Variants in PHACTR1 observed in about 807,000 individuals in gnomAD.
PHACTR1 encodes RPEL repeat containing 1.
PHACTR1 carries 16 observed loss-of-function variants against 69.2 expected under a neutral mutation model. The observed-to-expected ratio is 0.23, with a 90% CI of 0.16 to 0.35. The LOEUF (loss-of-function observed/expected upper bound fraction) is 0.35, where lower values mean the gene tolerates loss of function less well. Among genes scored for constraint, PHACTR1 ranks in the 10% least tolerant of loss-of-function variants. The pLI, the probability that PHACTR1 is intolerant of heterozygous loss-of-function variation, is 1.00. For missense variants in PHACTR1, 510 were observed against 734.7 expected (o/e 0.69, Z 3.54); for synonymous variants, 312 against 284.5 (o/e 1.10, Z -0.97).
chr6:13,202,481 C>CTTTTTT (rs1164105884), intron 7 of PHACTR1, among the ~76,000 whole-genome samples: 1 of 129,962 alleles, frequency 7.7e-6, no homozygotes, highest in South Asian at 2.5e-4. Flanking sequence ...TGCACTGAAG[C>CTTTTTT]TTTTTTTTTT....
intron 5 of PHACTR1, among the ~76,000 whole-genome samples, chr6:13,133,240 TCCCTTTCCCTC>T (rs1820803242): frequency 3.7e-5 from 1 of 26,952 alleles, no homozygotes; most frequent in Non-Finnish European, 6.1e-5. Flanking sequence ...CCTCTCCCTC[TCCCTTTCCCTC>T]TCCCTCTCCC....
At chr6:13,225,076 CT>C (rs1162052495) in intron 8 of PHACTR1, among the ~76,000 whole-genome samples, 1 of 152,202 alleles carries the variant, frequency 6.6e-6, no homozygotes, top group Admixed American at 6.5e-5. Context: ...TCCTTTTCAG[CT>C]AACTTCTATA....
intron 5 of PHACTR1, among the ~76,000 whole-genome samples, chr6:13,087,435 A>T (rs758671175): frequency 6.6e-6 from 1 of 151,774 alleles, no homozygotes. Context: ...TACTTGCAAC[A>T]TAGATGAAAT....
At chr6:13,012,485 A>C (rs186240354) in intron 4 of PHACTR1, among the ~76,000 whole-genome samples, 139 of 152,334 alleles carry the variant, frequency 9.1e-4, no homozygotes, top group Non-Finnish European at 7.6e-4. Flanking sequence ...GGAAAAGAGG[A>C]CAAGGGTGTG....
chr6:13,280,869 G>T, intron 12 of PHACTR1: 1 of 984,402 alleles, frequency 1.0e-6, no homozygotes, highest in Non-Finnish European at 1.4e-6. Flanking sequence ...GAAGGCTACA[G>T]CCAGCACCAG....
At chr6:13,043,392 A>C (rs1459488151) in intron 4 of PHACTR1, among the ~76,000 whole-genome samples, 6 of 151,246 alleles carry the variant, frequency 4.0e-5, no homozygotes, top group Non-Finnish European at 7.4e-5. Context: ...GAGCCACTGA[A>C]CTCCAGCCTG....
chr6:12,788,115 G>A (rs2127655983), intron 4 of PHACTR1, among the ~76,000 whole-genome samples: 1 of 151,262 alleles, frequency 6.6e-6, no homozygotes, highest in East Asian at 1.9e-4. Flanking sequence ...CCAAGATCAC[G>A]CCACTGCACT....
At chr6:12,789,882 C>T (rs1435150373) in intron 4 of PHACTR1, among the ~76,000 whole-genome samples, 2 of 151,158 alleles carry the variant, frequency 1.3e-5, no homozygotes, top group Admixed American at 6.6e-5. Flanking sequence ...CCCATCAACT[C>T]GTCATTTAGC....
chr6:13,264,408 A>AT (rs1562089300), intron 10 of PHACTR1, among the ~76,000 whole-genome samples: 2 of 151,934 alleles, frequency 1.3e-5, no homozygotes. Context: ...AACATGCCCC[A>AT]TTTTCATCCA....
chr6:13,008,268 G>T (rs961317017), intron 4 of PHACTR1, among the ~76,000 whole-genome samples: 4 of 152,176 alleles, frequency 2.6e-5, no homozygotes, highest in Admixed American at 1.3e-4. Context: ...GGCAATCAAA[G>T]CTTGTCAATC....
At chr6:12,968,693 G>A (rs1331312145) in intron 4 of PHACTR1, among the ~76,000 whole-genome samples, 4 of 152,136 alleles carry the variant, frequency 2.6e-5, no homozygotes, top group Non-Finnish European at 4.4e-5. Flanking sequence ...TTGTTCAAGG[G>A]ATATTGGATA....
At chr6:12,885,168 A>T (rs1314517639) in intron 4 of PHACTR1, among the ~76,000 whole-genome samples, 1 of 152,200 alleles carries the variant, frequency 6.6e-6, no homozygotes, top group Non-Finnish European at 1.5e-5. Context: ...TGCGGAATGC[A>T]GGGAAGGTCC....
At chr6:12,875,767 G>A (rs1279747939) in intron 4 of PHACTR1, among the ~76,000 whole-genome samples, 2 of 152,164 alleles carry the variant, frequency 1.3e-5, no homozygotes, top group Non-Finnish European at 2.9e-5. Context: ...CCTGGCTTGT[G>A]TTGTCAATAT....
intron 5 of PHACTR1, among the ~76,000 whole-genome samples, chr6:13,151,350 C>T (rs1824275511): frequency 6.6e-6 from 1 of 152,222 alleles, no homozygotes; most frequent in South Asian, 2.1e-4. Context: ...TTTTCTCCAA[C>T]TTCTTCATCT....
At chr6:13,079,139 G>C (rs937225737) in intron 5 of PHACTR1, among the ~76,000 whole-genome samples, 1 of 152,132 alleles carries the variant, frequency 6.6e-6, no homozygotes. Context: ...TGCCCAAGCA[G>C]GATCAGAGAA....
At chr6:13,089,593 G>A (rs1812884984) in intron 5 of PHACTR1, among the ~76,000 whole-genome samples, 2 of 152,150 alleles carry the variant, frequency 1.3e-5, no homozygotes, top group Non-Finnish European at 2.9e-5. Flanking sequence ...TTCATTAAGT[G>A]GGGAAACCAA....
chr6:13,278,962 CAA>C (rs11372974), intron 12 of PHACTR1, among the ~76,000 whole-genome samples: 16 of 134,618 alleles, frequency 1.2e-4, no homozygotes, highest in East Asian at 6.6e-4. Flanking sequence ...GACTCTGTCT[CAA>C]AAAAAAAAAA....
chr6:13,077,509 G>A (rs1289048596), intron 5 of PHACTR1, among the ~76,000 whole-genome samples: 2 of 152,216 alleles, frequency 1.3e-5, no homozygotes, highest in Admixed American at 6.5e-5. Flanking sequence ...GTGTGTTTTG[G>A]AAGTTTGATT....
chr6:12,826,593 T>C (rs1035149017), intron 4 of PHACTR1, among the ~76,000 whole-genome samples: 1 of 152,198 alleles, frequency 6.6e-6, no homozygotes, highest in African/African-American at 2.4e-5. Context: ...GACATTGTTA[T>C]AGGGTGTCCT....
Sources: allele counts gnomAD v4.1 joint callset (sites outside exome capture counted in the v4.1 genomes callset), GRCh38; gene constraint gnomAD v4.1.1; transcripts MANE v1.5; gene names NCBI Gene and HGNC (gene_info 2026-07-23, HGNC 2026-07-21).